The following BAZ1A variants were observed in gnomAD, a reference collection of about 807,000 sequenced individuals.
BAZ1A encodes bromodomain adjacent to zinc finger domain 1A, also known as bromodomain adjacent to zinc finger domain protein 1A.
In BAZ1A, 50 loss-of-function variants were observed where a neutral mutation model predicts 185.2. The observed-to-expected ratio is 0.27, with a 90% confidence interval of 0.22 to 0.34. The LOEUF is 0.34. Ranked by LOEUF, BAZ1A falls within the 10% of genes least tolerant of loss-of-function variation. The pLI, the probability that BAZ1A is intolerant of heterozygous loss-of-function variation, is 1.00. For synonymous variants in BAZ1A, 571 were observed against 615.6 expected, an observed-to-expected ratio of 0.93 and a Z score of 1.07; for missense variants, 1,356 against 1,839.9, an observed-to-expected ratio of 0.74 and a Z score of 4.81.
At chr14:34,824,944 G>A (rs1474503568) in intron 4 of BAZ1A, among the ~76,000 whole-genome samples, 2 of 152,182 alleles carry the variant, frequency 1.3e-5, no homozygotes, top group Non-Finnish European at 2.9e-5. Context: ...GAGAACAGAA[G>A]AGGTTGCTGA....
rs114068996 is a variant in BAZ1A at position 34,807,013 on chromosome 14, G to C, written c.726+438C>G. ...CAAGCAGTATGTACACTTTGGCCTC[G>C]TGAAGTGCAAGGATTACAGGAGTAA... is the stretch of plus-strand genomic sequence containing the variant. On this transcript the variant is annotated intron_variant, in intron 6 of 26. Coordinates refer to ENST00000360310, the MANE Select transcript of BAZ1A (RefSeq NM_013448.3). Among the ~76,000 whole-genome samples, 910 of 150,342 alleles carry C rather than the reference G, an allele frequency of 6.1e-3. 17 individuals carry two copies. The highest frequency in any genetic ancestry group is 0.022 in the African/African-American group (878 of 40,818).
rs888634420 is a variant in BAZ1A, at chr14:34,753,352, C to T, written c.*156G>A. The T allele has an allele frequency of 8.6e-6, 6 of 701,252 alleles. No homozygotes were observed. Among genetic ancestry groups the T allele is most frequent in the South Asian group, 6.1e-5 (3 of 49,252 alleles). The allele number at this position is 701,252 out of a possible 1,614,324, so 43.4% of individuals were successfully genotyped here. ...ACTGTAGCAAAGGATATCTTTCCTA[C>T]ATTCTCCTGAGTGCTTAATATTAAA... On this transcript the variant is annotated 3_prime_UTR_variant, in exon 27 of 27. Coordinates refer to ENST00000360310, the MANE Select transcript of BAZ1A (RefSeq NM_013448.3).
rs1344649519 is a variant in BAZ1A at position 34,819,162 on chromosome 14, A to G, written c.536+6851T>C. On this transcript the variant is annotated intron_variant, in intron 4 of 26. Coordinates refer to ENST00000360310, the MANE Select transcript of BAZ1A (RefSeq NM_013448.3). ...TCTCAAAAAAAAAAAAAAAAAAAAA[A>G]AAAAGAATGAATCTTCTATTCATGA... 2.4e-5 allele frequency among the ~76,000 whole-genome samples: 3 copies of G among 123,472 alleles called. 1 individual carries two copies. The highest frequency in any genetic ancestry group is 4.5e-4 in the South Asian group (2 of 4,460). The allele number at this position is 123,472 out of a possible 152,430, so 81.0% of individuals were successfully genotyped here. A position where few individuals can be genotyped will look rare whatever the true frequency, so the allele number is the denominator to read the frequency against.
intron 17 of BAZ1A, among the ~76,000 whole-genome samples, chr14:34,779,763 T>C (rs1278963511): frequency 6.6e-6 from 1 of 152,190 alleles, no homozygotes; most frequent in African/African-American, 2.4e-5. Flanking sequence ...ATTATGAGCA[T>C]TATTGATCTT....
At chr14:34,797,625 A>G (rs996146995) in intron 9 of BAZ1A, among the ~76,000 whole-genome samples, 7 of 152,114 alleles carry the variant, frequency 4.6e-5, no homozygotes, top group African/African-American at 1.7e-4. Flanking sequence ...TCTGTCCTCT[A>G]TGTTTTCTGG....
intron 25 of BAZ1A, among the ~76,000 whole-genome samples, chr14:34,758,348 G>A (rs1021823874): frequency 6.6e-6 from 1 of 151,448 alleles, no homozygotes; most frequent in Non-Finnish European, 1.5e-5. Flanking sequence ...TTGGGGGGCC[G>A]AGGTGGGCAG....
At chr14:34,829,904 T>C (rs1332527804) in intron 3 of BAZ1A, among the ~76,000 whole-genome samples, 1 of 152,220 alleles carries the variant, frequency 6.6e-6, no homozygotes, top group Non-Finnish European at 1.5e-5. Flanking sequence ...GGTTGATATA[T>C]ACTTTCCCTT....
At chr14:34,839,920 A>AAT (rs397789375) in intron 3 of BAZ1A, among the ~76,000 whole-genome samples, 41 of 151,554 alleles carry the variant, frequency 2.7e-4, no homozygotes, top group African/African-American at 8.9e-4. Flanking sequence ...ACAATTAAAA[A>AAT]TTTTTTTAAG....
rs1881523012 is a variant in BAZ1A, at chr14:34,801,180, G to C, written c.875C>G (p.Ala292Gly). Residue 292 changes from alanine (A) to glycine (G), a missense_variant, in exon 8 of 27, where the codon GCT becomes GGT. This residue lies in a region of BAZ1A where 332 missense variants were observed against 395.3 expected (regional missense o/e 0.84). Coordinates refer to ENST00000360310, the MANE Select transcript of BAZ1A (RefSeq NM_013448.3). Reference sequence around the variant, plus strand: ...ATAACTTGCAAGAGTCTGTTTATTAGCAACATTGTCCTCCTAAAAAACAAA... The same window carrying C: ...ATAACTTGCAAGAGTCTGTTTATTACCAACATTGTCCTCCTAAAAAACAAA... ...RIHISQEDNV[A>G]NKQTLASYRS... 6.2e-7 allele frequency: 1 copy of C among 1,604,094 alleles called. No individual in the cohort carries two copies. The highest frequency in any genetic ancestry group is 8.5e-7 in the Non-Finnish European group (1 of 1,176,580).
intron 2 of BAZ1A, among the ~76,000 whole-genome samples, chr14:34,869,554 G>A (rs970844501): frequency 6.6e-6 from 1 of 152,084 alleles, no homozygotes. Flanking sequence ...GGTAGTATGG[G>A]GCAAACAACA....
At chr14:34,780,370 A>G in intron 16 of BAZ1A, 60 bp from the exon 17 acceptor site, 2 of 1,521,530 alleles carry the variant, frequency 1.3e-6, no homozygotes, top group Non-Finnish European at 1.8e-6. Flanking sequence ...TTTATGAAAT[A>G]TTTATTGCTT....
chr14:34,784,739 C>T (rs1262168934), intron 14 of BAZ1A, among the ~76,000 whole-genome samples: 6 of 151,820 alleles, frequency 4.0e-5, no homozygotes, highest in African/African-American at 1.5e-4. Context: ...AGGGTGGTCT[C>T]GATCTCCTGA....
intron 6 of BAZ1A, among the ~76,000 whole-genome samples, chr14:34,804,394 G>C (rs1193971161): frequency 2.0e-5 from 3 of 152,138 alleles, no homozygotes; most frequent in Non-Finnish European, 4.4e-5. Context: ...TCTCAAACAA[G>C]TGAACAAAAG....
chr14:34,760,250 T>C lies in BAZ1A; in HGVS notation c.4244-1404A>G, dbSNP rs566603067. Among the ~76,000 whole-genome samples, 3 of 152,224 alleles carry C rather than the reference T, an allele frequency of 2.0e-5. No individual in the cohort carries two copies. In the South Asian group the frequency reaches 6.2e-4, roughly 32 times the overall value. Reference sequence around the variant, plus strand: ...GTTTTTTGAGTAAAAATGTTTCAAGTGTATTATTTCTCCAAACAGCTTGGA... The same window carrying C: ...GTTTTTTGAGTAAAAATGTTTCAAGCGTATTATTTCTCCAAACAGCTTGGA... On this transcript the variant is annotated intron_variant, in intron 24 of 26. Coordinates refer to ENST00000360310, the MANE Select transcript of BAZ1A (RefSeq NM_013448.3).
At chr14:34,764,433 C>T (rs184840603) in intron 23 of BAZ1A, among the ~76,000 whole-genome samples, 1 of 151,798 alleles carries the variant, frequency 6.6e-6, no homozygotes, top group Admixed American at 6.6e-5. Context: ...GCTGGGATTA[C>T]AGATGTCCAC....
intron 4 of BAZ1A, among the ~76,000 whole-genome samples, chr14:34,818,021 A>C (rs2042033163): frequency 1.3e-5 from 2 of 152,234 alleles, no homozygotes; most frequent in Admixed American, 1.3e-4. Context: ...CAGGGACTCA[A>C]GCAGATCCCT....
At chr14:34,764,289 C>CTTTT (rs34861206) in intron 23 of BAZ1A, among the ~76,000 whole-genome samples, 55 of 111,842 alleles carry the variant, frequency 4.9e-4, no homozygotes, top group South Asian at 1.1e-3. Flanking sequence ...TTTTTCTTTT[C>CTTTT]TTTTTTTTTT....
intron 6 of BAZ1A, among the ~76,000 whole-genome samples, chr14:34,803,623 TGA>T (rs1289333177): frequency 2.9e-5 from 2 of 68,026 alleles, no homozygotes; most frequent in African/African-American, 1.2e-4. Context: ...ACAAATTTTG[TGA>T]GATTTTCTAC....
chr14:34,850,841 A>G (rs1052518436), intron 3 of BAZ1A, among the ~76,000 whole-genome samples: 1 of 152,116 alleles, frequency 6.6e-6, no homozygotes, highest in Non-Finnish European at 1.5e-5. Context: ...CAGACCCGGA[A>G]GATATCTACG....
Sources: gnomAD v4.1 joint callset for allele counts (sites outside exome capture counted in the v4.1 genomes callset) on GRCh38, gnomAD v4.1.1 for gene constraint, gnomAD v4.1.1 regional missense constraint, MANE v1.5 for transcripts, NCBI Gene and HGNC (gene_info 2026-07-23, HGNC 2026-07-21) for gene names.